RNF216: variants seen among roughly 807,000 people sequenced by gnomAD.
RNF216 encodes E3 ubiquitin-protein ligase RNF216.
Under a neutral mutation model 110.8 loss-of-function variants are expected in RNF216, and 72 were observed. The observed-to-expected ratio is 0.65, with a 90% CI of 0.54 to 0.79. The LOEUF is 0.79. RNF216 is among the 30% of genes least tolerant of loss of function. The pLI is 0.00. For missense variants in RNF216, 1,342 were observed against 1,141.2 expected (o/e 1.18, Z -2.54); for synonymous variants, 495 against 407.5 (o/e 1.21, Z -2.59).
At chr7:5,732,080 G>T (rs996063597) in intron 5 of RNF216, among the ~76,000 whole-genome samples, 1 of 151,990 alleles carries the variant, frequency 6.6e-6, no homozygotes, top group Non-Finnish European at 1.5e-5. Context: ...GGAACACAAC[G>T]CCTGAGGCCC....
In RNF216 at chr7:5,652,531, C is replaced by T. The variant is rs748389354; in HGVS notation, c.2062-21G>A. On this transcript the variant is annotated intron_variant, in intron 13 of 16. Coordinates refer to ENST00000389902, the MANE Select transcript of RNF216 (RefSeq NM_207111.4). Reference sequence around the variant, plus strand: ...GTTTCCTGGGGATAAAGGACAGACACAAAGACAACTCCTGGTGAGTGGACA... The same window carrying T: ...GTTTCCTGGGGATAAAGGACAGACATAAAGACAACTCCTGGTGAGTGGACA... 8 of 1,519,092 alleles carry T rather than the reference C, an allele frequency of 5.3e-6. No individual in the cohort carries two copies. In the East Asian group the frequency reaches 1.1e-4, roughly 21 times the overall value. The allele number at this position is 1,519,092 out of a possible 1,614,324, so 94.1% of individuals were successfully genotyped here.
At chr7:5,736,003 G>C in intron 5 of RNF216, among the ~76,000 whole-genome samples, 1 of 152,198 alleles carries the variant, frequency 6.6e-6, no homozygotes, top group Admixed American at 6.5e-5. Flanking sequence ...TGAGGCAGGA[G>C]AATCACTTGA....
chr7:5,688,855 G>A (rs1791149346), intron 13 of RNF216, among the ~76,000 whole-genome samples: 1 of 152,172 alleles, frequency 6.6e-6, no homozygotes, highest in Admixed American at 6.5e-5. Flanking sequence ...CCCAAATGAT[G>A]ATAACAGCTA....
At chr7:5,729,735 G>T in intron 6 of RNF216, 139 bp from the exon 7 acceptor site, 1 of 739,916 alleles carries the variant, frequency 1.4e-6, no homozygotes, top group Non-Finnish European at 2.1e-6. Context: ...AGCCCTATAA[G>T]ACAGATGAGA....
At chr7:5,668,851 T>C (rs919331964) in intron 13 of RNF216, among the ~76,000 whole-genome samples, 1 of 152,164 alleles carries the variant, frequency 6.6e-6, no homozygotes, top group African/African-American at 2.4e-5. Flanking sequence ...ATCTTCCCCA[T>C]ATCTTTACTA....
intron 2 of RNF216, among the ~76,000 whole-genome samples, chr7:5,756,312 G>C (rs1795641411): frequency 6.6e-6 from 1 of 152,172 alleles, no homozygotes; most frequent in Admixed American, 6.5e-5. Context: ...CCCAGTCTCA[G>C]GCATTTCTTC....
intron 13 of RNF216, among the ~76,000 whole-genome samples, chr7:5,662,985 C>T (rs151245222): frequency 6.6e-6 from 1 of 152,240 alleles, no homozygotes; most frequent in Non-Finnish European, 1.5e-5. Flanking sequence ...CCCCTATGCC[C>T]TCAATGGCAC....
intron 14 of RNF216, among the ~76,000 whole-genome samples, chr7:5,646,140 A>T (rs1462535275): frequency 1.3e-5 from 2 of 152,174 alleles, no homozygotes; most frequent in Admixed American, 6.5e-5. Context: ...TGAATATTAT[A>T]CTGAGAAGAG....
intron 5 of RNF216, among the ~76,000 whole-genome samples, chr7:5,734,660 A>G (rs986566070): frequency 3.3e-4 from 49 of 149,178 alleles, no homozygotes; most frequent in African/African-American, 1.3e-3. Context: ...AAATGCTTTA[A>G]GAGTTTGGGT....
intron 13 of RNF216, among the ~76,000 whole-genome samples, chr7:5,685,676 C>T (rs1050495186): frequency 1.3e-5 from 2 of 152,196 alleles, no homozygotes; most frequent in African/African-American, 4.8e-5. Context: ...CAGTCCTGGT[C>T]TCACCTCCTC....
At chr7:5,745,316 T>G (rs1794975361) in intron 3 of RNF216, among the ~76,000 whole-genome samples, 1 of 152,174 alleles carries the variant, frequency 6.6e-6, no homozygotes, top group Non-Finnish European at 1.5e-5. Context: ...TAAGTCAAAG[T>G]AAATGACTAG....
chr7:5,705,588 G>GA (rs1792227463), intron 13 of RNF216, among the ~76,000 whole-genome samples: 1 of 152,126 alleles, frequency 6.6e-6, no homozygotes, highest in African/African-American at 2.4e-5. Flanking sequence ...TTGGCAGAGG[G>GA]AAAAAATGAA....
chr7:5,704,412 G>A (rs542584668), intron 13 of RNF216, among the ~76,000 whole-genome samples: 1 of 152,296 alleles, frequency 6.6e-6, no homozygotes, highest in African/African-American at 2.4e-5. Context: ...ATTAGCGACT[G>A]CTTTAGCCAT....
chr7:5,738,144 A>G (rs181018368), intron 5 of RNF216, among the ~76,000 whole-genome samples: 6 of 151,854 alleles, frequency 4.0e-5, no homozygotes, highest in Admixed American at 3.9e-4. Context: ...TCTGCAGATT[A>G]GAAGGAGGGG....
chr7:5,656,290 G>A (rs182115440), intron 13 of RNF216, among the ~76,000 whole-genome samples: 2 of 152,182 alleles, frequency 1.3e-5, no homozygotes, highest in African/African-American at 4.8e-5. Flanking sequence ...CAAAGTGCTG[G>A]GATTACAGGT....
chr7:5,742,926 C>T (rs908913692), intron 3 of RNF216, among the ~76,000 whole-genome samples: 8 of 152,062 alleles, frequency 5.3e-5, no homozygotes, highest in Non-Finnish European at 1.2e-4. Flanking sequence ...CTATCATTTA[C>T]TGCTGGTGAA....
At chr7:5,733,838 ATT>A (rs1288867439) in intron 5 of RNF216, among the ~76,000 whole-genome samples, 1 of 152,208 alleles carries the variant, frequency 6.6e-6, no homozygotes, top group East Asian at 1.9e-4. Flanking sequence ...ATAACTCAGT[ATT>A]GTCGAAGAGT....
At chr7:5,770,697 G>A (rs944235791) in intron 1 of RNF216, among the ~76,000 whole-genome samples, 1 of 151,468 alleles carries the variant, frequency 6.6e-6, no homozygotes, top group Non-Finnish European at 1.5e-5. Flanking sequence ...ACAAAAGGAG[G>A]ATTTACAGTA....
intron 13 of RNF216, among the ~76,000 whole-genome samples, chr7:5,665,509 G>C (rs1789450037): frequency 6.6e-6 from 1 of 152,120 alleles, no homozygotes; most frequent in Admixed American, 6.5e-5. Context: ...ACCAGGATTA[G>C]GTGACAAATT....
Sources: allele counts gnomAD v4.1 joint callset (sites outside exome capture counted in the v4.1 genomes callset), GRCh38; gene constraint gnomAD v4.1.1; transcripts MANE v1.5; gene names NCBI Gene and HGNC (gene_info 2026-07-23, HGNC 2026-07-21).